The following JAG2 variants were observed in gnomAD, a reference collection of about 807,000 sequenced individuals.
JAG2 encodes the protein protein jagged-2.
In JAG2, 46 loss-of-function variants were observed where a neutral mutation model predicts 141.7. The ratio of observed to expected loss-of-function variants is 0.32; its 90% CI spans 0.26 to 0.42. JAG2 has a LOEUF of 0.42. JAG2 is among the 10% of genes least tolerant of loss of function. The probability of loss-of-function intolerance (pLI) is 1.00; values close to 1 mark genes in which losing one functional copy is unlikely to be tolerated. For synonymous variants in JAG2, 862 were observed against 763.5 expected (o/e 1.13, Z -2.13); for missense variants, 1,500 against 1,817.5 (o/e 0.83, Z 3.18).
In JAG2 at chr14:105,142,760, C is replaced by T; in HGVS notation, c.3652G>A (p.Gly1218Ser). ...SPGRPAHWAS[G>S]PKVDNRAVRS... is the part of the protein sequence containing the mutation. ...ACCGCGCGGTTGTCCACTTTGGGGC[C>T]TGAGGCCCAGTGGGCCGGCCTCCCC... Residue 1218 changes from glycine (G) to serine (S), a missense_variant, in exon 26 of 26, where the codon GGC becomes AGC. Physicochemically the swap from Gly to Ser is moderately conservative, Grantham distance 56. Around this residue, in one of 3 missense-constraint regions of JAG2, gnomAD observed 425 missense variants for 441.0 expected, o/e 0.96. Coordinates refer to ENST00000331782, the MANE Select transcript of JAG2 (RefSeq NM_002226.5). 3 of 1,610,526 alleles carry T rather than the reference C, an allele frequency of 1.9e-6. No individual in the cohort carries two copies. Among genetic ancestry groups the T allele is most frequent in the Non-Finnish European group, 2.5e-6 (3 of 1,178,972 alleles).
At chr14:105,166,224 G>A (rs1425918210) in intron 2 of JAG2, among the ~76,000 whole-genome samples, 5 of 152,230 alleles carry the variant, frequency 3.3e-5, no homozygotes, top group Admixed American at 6.5e-5. Context: ...GCTGGCCCGC[G>A]GGGCGAAGAG....
intron 5 of JAG2, among the ~76,000 whole-genome samples, chr14:105,153,003 C>A (rs889628969): frequency 3.9e-5 from 6 of 151,984 alleles, no homozygotes; most frequent in Non-Finnish European, 7.4e-5. Flanking sequence ...CAGGGTAGAA[C>A]ATGGCCTGAC....
At position 105,151,062 on chromosome 14, in the gene JAG2, G is replaced by T. The variant is rs778809657; in HGVS notation, c.1310C>A (p.Ser437Tyr). Residue 437 changes from serine (S) to tyrosine (Y), a missense_variant, in exon 10 of 26, where the codon TCT becomes TAT. Around this residue, in one of 3 missense-constraint regions of JAG2, gnomAD observed 875 missense variants for 1,202.2 expected, o/e 0.73. Coordinates refer to ENST00000331782, the MANE Select transcript of JAG2 (RefSeq NM_002226.5). ...ATAGCCGCCAATCAGGTTTTTGCAAGAAAAAGCGTTAAGGCATGGCTTCCC... is the reference window on the plus strand; with the variant it reads ...ATAGCCGCCAATCAGGTTTTTGCAATAAAAAGCGTTAAGGCATGGCTTCCC... ...CEGKPCLNAF[S>Y]CKNLIGGYYC... is the part of the protein sequence containing the mutation. 6.2e-7 allele frequency: 1 copy of T among 1,613,348 alleles called. No homozygotes were observed. The highest frequency in any genetic ancestry group is 1.1e-5 in the South Asian group (1 of 91,048).
intron 22 of JAG2, 78 bp downstream of exon 22, chr14:105,146,307 C>T: frequency 1.6e-6 from 2 of 1,285,260 alleles, no homozygotes; most frequent in Non-Finnish European, 2.3e-6. Context: ...CAGCACCCGC[C>T]TCCTGATCTC....
chr14:105,143,795 A>G (rs1888138883), intron 24 of JAG2, among the ~76,000 whole-genome samples, 157 bp from the exon 25 acceptor site: 1 of 151,416 alleles, frequency 6.6e-6, no homozygotes, highest in African/African-American at 2.4e-5. Context: ...CCAGGCAGTG[A>G]GTGGGGAGTA....
intron 7 of JAG2, 85 bp downstream of exon 7, chr14:105,151,853 G>A (rs751730574): frequency 3.1e-6 from 5 of 1,608,248 alleles, no homozygotes; most frequent in Non-Finnish European, 4.2e-6. Context: ...CACCACACAG[G>A]ACGCCAGAGG....
In JAG2 at chr14:105,154,318, C is replaced by T. The variant is rs587622730; in HGVS notation, c.788+1244G>A. On this transcript the variant is annotated intron_variant, in intron 5 of 25. Transcript: ENST00000331782. This position sits in a 1 kb window ranked among gnomAD's most constrained non-coding sequence, Gnocchi z 4.4. ...CTGCAATCCAAGGCTGGCTGGAGGG[C>T]GGTGCTCACCTCCACCTGCTGTCTC... is the stretch of plus-strand genomic sequence containing the variant. 3.3e-5 allele frequency among the ~76,000 whole-genome samples: 5 copies of T among 152,300 alleles called. No individual in the cohort carries two copies. The highest frequency in any genetic ancestry group is 6.5e-5 in the Admixed American group (1 of 15,302).
chr14:105,144,996 C>T lies in JAG2; in HGVS notation c.3018G>A (p.Arg1006=). 6.2e-7 allele frequency: 1 copy of T among 1,609,540 alleles called. No individual in the cohort carries two copies. The highest frequency in any genetic ancestry group is 8.5e-7 in the Non-Finnish European group (1 of 1,179,724). The change falls in exon 24 of 26, where the codon CGG becomes CGA. Residue 1006 remains arginine, a synonymous_variant. Transcript: ENST00000331782. ...CGCAAAGCAACACCAGCAGGCGGTCCCGTGCCACAGCCCTTGTGGCTGGCA... is the reference window on the plus strand; with the variant it reads ...CGCAAAGCAACACCAGCAGGCGGTCTCGTGCCACAGCCCTTGTGGCTGGCA... ...RSLPATRAVA[R]DRLLVLLCDR...
At position 105,148,824 on chromosome 14, in the gene JAG2, AT is replaced by A. The variant is rs1368476005; in HGVS notation, c.1940del (p.Asn647MetfsTer115). The A allele has an allele frequency of 6.3e-7, 1 of 1,598,706 alleles. No homozygotes were observed. Among genetic ancestry groups the A allele is most frequent in the Non-Finnish European group, 8.5e-7 (1 of 1,173,288 alleles). ...IDDCLGQPCR[N>X]GGTCIDEVDA... is the part of the protein sequence containing the mutation. ...CCACCTCATCGATGCATGTGCCCCCATTGCGGCAGGGCTGGCCCAGGCAGTC... is the reference window on the plus strand; with the variant it reads ...CCACCTCATCGATGCATGTGCCCCCATGCGGCAGGGCTGGCCCAGGCAGTC... On this transcript the variant is annotated frameshift_variant, in exon 15 of 26. Transcript: ENST00000331782. LOFTEE classifies it high-confidence loss of function.
chr14:105,160,681 G>A (rs113849868), intron 2 of JAG2, among the ~76,000 whole-genome samples: 2,157 of 152,048 alleles, frequency 0.014, 51 homozygotes, highest in African/African-American at 0.05. Context: ...TGGTCAACAC[G>A]GTTAATCCTC....
chr14:105,150,233 G>A (rs1888380876), intron 12 of JAG2, among the ~76,000 whole-genome samples: 2 of 151,880 alleles, frequency 1.3e-5, no homozygotes, highest in Admixed American at 1.3e-4. Flanking sequence ...CCTATGACAG[G>A]TGTATACCTC....
chr14:105,157,275 T>C (rs2280797), intron 3 of JAG2, among the ~76,000 whole-genome samples: 77,471 of 151,902 alleles, frequency 0.51, 20,055 homozygotes, highest in Middle Eastern at 0.61. Context: ...AGCTGCTCCC[T>C]TGGCCTGTGG....
Position 105,167,948 on chromosome 14 carries a change from T to G in JAG2, c.226A>C (p.Lys76Gln), listed in dbSNP as rs778743959. 1 of 1,603,662 alleles carries G rather than the reference T, an allele frequency of 6.2e-7. No homozygotes were observed. The highest frequency in any genetic ancestry group is 8.5e-7 in the Non-Finnish European group (1 of 1,177,586). ...GGCGTCACCTTGGCCTGGTACTCCT[T>G]AAGGCACACGCGCACGTACGTGTCG... is the stretch of plus-strand genomic sequence containing the variant. ...ECDTYVRVCL[K>Q]EYQAKVTPTG... The change falls in exon 2 of 26, where the codon AAG becomes CAG. Residue 76 changes from lysine to glutamine, a missense_variant. Lys to Gln is a moderately conservative substitution (Grantham distance 53, BLOSUM62 1). Transcript: ENST00000331782. This position sits in a 1 kb window ranked among gnomAD's most constrained non-coding sequence, Gnocchi z 4.8.
chr14:105,145,250 C>T (rs919957954), intron 23 of JAG2, among the ~76,000 whole-genome samples, 189 bp from the exon 24 acceptor site: 3 of 152,184 alleles, frequency 2.0e-5, no homozygotes, highest in African/African-American at 7.2e-5. Flanking sequence ...GCAGGAGTGA[C>T]GGTGCCCACC....
chr14:105,153,769 A>AG, intron 5 of JAG2, among the ~76,000 whole-genome samples: 1 of 152,276 alleles, frequency 6.6e-6, no homozygotes, highest in African/African-American at 2.4e-5. Flanking sequence ...GGTAAAGGGC[A>AG]GGGATGGCCA....
At chr14:105,144,572 C>T (rs1231393021) in intron 24 of JAG2, among the ~76,000 whole-genome samples, 1 of 152,216 alleles carries the variant, frequency 6.6e-6, no homozygotes, top group African/African-American at 2.4e-5. Flanking sequence ...CCCCCAGGTC[C>T]AGGGCAGGTG....
rs377110620 is a variant in JAG2, at chr14:105,146,085, G to A, written c.2710-112C>T. 60 of 1,494,850 alleles carry A rather than the reference G, an allele frequency of 4.0e-5. No individual in the cohort carries two copies. In the South Asian group the frequency reaches 5.6e-4, roughly 14 times the overall value. 92.6% of individuals were successfully genotyped at this position (1,494,850 alleles called of 1,614,324 possible). A position where few individuals can be genotyped will look rare whatever the true frequency, so the allele number is the denominator to read the frequency against. On this transcript the variant is annotated intron_variant, in intron 22 of 25. Coordinates refer to ENST00000331782, the MANE Select transcript of JAG2 (RefSeq NM_002226.5). ...GGGCCCCATGCCAAGGAGGGACACCGCCCAAGTCTGTGAGCCCCAGGGCCC... is the reference window on the plus strand; with the variant it reads ...GGGCCCCATGCCAAGGAGGGACACCACCCAAGTCTGTGAGCCCCAGGGCCC...
Position 105,157,855 on chromosome 14 carries a change from C to G in JAG2, c.418-92G>C, listed in dbSNP as rs1034914133. 7 of 1,189,770 alleles carry G rather than the reference C, an allele frequency of 5.9e-6. No individual in the cohort carries two copies. The African/African-American group carries it at 9.1e-5, about 15-fold the overall frequency. 73.7% of individuals were successfully genotyped at this position (1,189,770 alleles called of 1,614,324 possible). On this transcript the variant is annotated intron_variant, in intron 2 of 25. Coordinates refer to ENST00000331782, the MANE Select transcript of JAG2 (RefSeq NM_002226.5). ...AAGGCCCAGGGCTCAGACGCTGCCC[C>G]TGGGTCTGCCAGGCTCTGGCCCTTC...
rs72707622 is a variant in JAG2 at position 105,158,825 on chromosome 14, T to C, written c.418-1062A>G. Among the ~76,000 whole-genome samples the C allele has an allele frequency of 8.5e-3, 1,288 of 152,108 alleles. 6 individuals are homozygous for C. The highest frequency in any genetic ancestry group is 0.014 in the Non-Finnish European group (923 of 67,944). ...CTTCCCACCCCGGGGGGATGCTGCG[T>C]TGGGCAGTGTCCAGGCAGGCCAGGC... On this transcript the variant is annotated intron_variant, in intron 2 of 25. Coordinates refer to ENST00000331782, the MANE Select transcript of JAG2 (RefSeq NM_002226.5).
Sources: gnomAD v4.1 joint callset for allele counts (sites outside exome capture counted in the v4.1 genomes callset) on GRCh38, gnomAD v4.1.1 for gene constraint, gnomAD v4.1.1 regional missense constraint, Gnocchi (gnomAD v3.1) non-coding constraint, MANE v1.5 for transcripts, NCBI Gene and HGNC (gene_info 2026-07-23, HGNC 2026-07-21) for gene names.